The following MDFIC2 variants were observed in gnomAD, a reference collection of about 807,000 sequenced individuals.
MDFIC2 encodes myoD family inhibitor domain-containing protein 2.
rs1701167896 is a variant in MDFIC2, at chr3:70,195,555, A to C, written c.*1371T>G. Reference sequence around the variant, plus strand: ...TAAAGCAAATGGTGATTTTGCCTGAAATTACCTAAGTCAGGAAAAAACAGG... The same window carrying C: ...TAAAGCAAATGGTGATTTTGCCTGACATTACCTAAGTCAGGAAAAAACAGG... On this transcript the variant is annotated 3_prime_UTR_variant, in exon 4 of 4. Transcript: ENST00000567252. 6.6e-6 allele frequency among the ~76,000 whole-genome samples: 1 copy of C among 152,174 alleles called. No individual in the cohort carries two copies. Among genetic ancestry groups the C allele is most frequent in the Non-Finnish European group, 1.5e-5 (1 of 68,030 alleles).
chr3:70,292,777 ATTTTC>A (rs1181126989), intron 2 of MDFIC2, among the ~76,000 whole-genome samples: 1 of 151,986 alleles, frequency 6.6e-6, no homozygotes, highest in African/African-American at 2.4e-5. Context: ...GAAAAGAATT[ATTTTC>A]TTTTCGTGGT....
At chr3:70,278,096 C>A (rs943153542) in intron 2 of MDFIC2, among the ~76,000 whole-genome samples, 4 of 152,080 alleles carry the variant, frequency 2.6e-5, no homozygotes, top group African/African-American at 7.2e-5. Flanking sequence ...TCATCATTTC[C>A]CCCGCCTCCC....
chr3:70,258,683 A>C (rs2106659258), intron 2 of MDFIC2, among the ~76,000 whole-genome samples: 1 of 152,294 alleles, frequency 6.6e-6, no homozygotes, highest in South Asian at 2.1e-4. Context: ...ATGCAGTCAA[A>C]GCTTTATGTA....
At chr3:70,203,121 C>A (rs1276125682) in intron 3 of MDFIC2, among the ~76,000 whole-genome samples, 1 of 152,124 alleles carries the variant, frequency 6.6e-6, no homozygotes. Context: ...AAGAATCATT[C>A]TCCCAGAAGT....
At chr3:70,250,639 C>T (rs997928504) in intron 2 of MDFIC2, among the ~76,000 whole-genome samples, 2 of 152,158 alleles carry the variant, frequency 1.3e-5, no homozygotes, top group Admixed American at 6.5e-5. Flanking sequence ...TTTCAAATTA[C>T]GCTGTGTTTT....
At chr3:70,265,445 AC>A (rs1488327076) in intron 2 of MDFIC2, among the ~76,000 whole-genome samples, 4 of 152,050 alleles carry the variant, frequency 2.6e-5, no homozygotes, top group African/African-American at 4.8e-5. Flanking sequence ...GGATTTGATG[AC>A]CACCACCCCA....
intron 2 of MDFIC2, among the ~76,000 whole-genome samples, chr3:70,292,744 C>T (rs371910077): frequency 2.6e-5 from 4 of 152,040 alleles, no homozygotes; most frequent in Admixed American, 2.0e-4. Flanking sequence ...CACACACATG[C>T]ACACACACTG....
intron 2 of MDFIC2, among the ~76,000 whole-genome samples, chr3:70,285,386 C>A (rs1161160442): frequency 1.3e-5 from 2 of 151,970 alleles, no homozygotes; most frequent in Non-Finnish European, 2.9e-5. Flanking sequence ...AGGACATGAA[C>A]TCATCAGTTT....
intron 2 of MDFIC2, among the ~76,000 whole-genome samples, chr3:70,218,961 G>A (rs1346741140): frequency 6.6e-6 from 1 of 151,628 alleles, no homozygotes. Flanking sequence ...AAAATAACAG[G>A]ACAATTTTAT....
chr3:70,305,789 G>C (rs1321741064), intron 2 of MDFIC2, among the ~76,000 whole-genome samples: 1 of 152,220 alleles, frequency 6.6e-6, no homozygotes, highest in Non-Finnish European at 1.5e-5. Context: ...GTCAATAAAT[G>C]TGGGAAAGAT....
In MDFIC2 at chr3:70,195,105, C is replaced by T. The variant is rs992999814; in HGVS notation, c.*1821G>A. Among the ~76,000 whole-genome samples the T allele has an allele frequency of 2.6e-5, 4 of 152,166 alleles. No individual in the cohort carries two copies. Among genetic ancestry groups the T allele is most frequent in the Non-Finnish European group, 5.9e-5 (4 of 68,036 alleles). On this transcript the variant is annotated 3_prime_UTR_variant, in exon 4 of 4. Coordinates refer to ENST00000567252, the MANE Select transcript of MDFIC2 (RefSeq NM_001364677.1). ...AGAGTTCCTGACACTGCCAATAATT[C>T]ACTGTGTGGTCTTGAATAAGTCAGT...
chr3:70,199,282 C>T (rs1410312601), intron 3 of MDFIC2, among the ~76,000 whole-genome samples: 1 of 152,148 alleles, frequency 6.6e-6, no homozygotes, highest in Non-Finnish European at 1.5e-5. Flanking sequence ...TGAGAGTGTA[C>T]AACCTTTTGG....
At chr3:70,221,455 T>G (rs1701459514) in intron 2 of MDFIC2, among the ~76,000 whole-genome samples, 1 of 152,080 alleles carries the variant, frequency 6.6e-6, no homozygotes, top group Non-Finnish European at 1.5e-5. Context: ...GAATTTGAAT[T>G]TGGGCATTTG....
chr3:70,232,906 A>G (rs551239715), intron 2 of MDFIC2, among the ~76,000 whole-genome samples: 8 of 152,204 alleles, frequency 5.3e-5, no homozygotes, highest in Admixed American at 1.3e-4. Flanking sequence ...TTGAAGCCCT[A>G]TGCTAGGCGT....
At chr3:70,242,526 T>C (rs1405399099) in intron 2 of MDFIC2, among the ~76,000 whole-genome samples, 1 of 152,198 alleles carries the variant, frequency 6.6e-6, no homozygotes, top group African/African-American at 2.4e-5. Flanking sequence ...GTTCTTGGCC[T>C]CATTGCAATC....
At chr3:70,269,688 T>TGG (rs1701956196) in intron 2 of MDFIC2, among the ~76,000 whole-genome samples, 1 of 152,130 alleles carries the variant, frequency 6.6e-6, no homozygotes, top group Non-Finnish European at 1.5e-5. Flanking sequence ...ACTAGCTATA[T>TGG]TTAATATAGT....
chr3:70,310,692 G>C (rs939433361), intron 2 of MDFIC2, among the ~76,000 whole-genome samples: 4 of 152,086 alleles, frequency 2.6e-5, no homozygotes, highest in Non-Finnish European at 1.5e-5. Flanking sequence ...ATTAGGGTTG[G>C]GGGTAGGGTG....
intron 2 of MDFIC2, among the ~76,000 whole-genome samples, chr3:70,263,343 T>G (rs1421566279): frequency 6.6e-6 from 1 of 152,224 alleles, no homozygotes; most frequent in Non-Finnish European, 1.5e-5. Flanking sequence ...TTGTGATCAA[T>G]ATAGTTCTTT....
At chr3:70,235,147 G>C (rs945628722) in intron 2 of MDFIC2, among the ~76,000 whole-genome samples, 2 of 152,066 alleles carry the variant, frequency 1.3e-5, no homozygotes, top group Admixed American at 1.3e-4. Flanking sequence ...GTCTTTTAAA[G>C]GTGAACCTTT....
Sources: gnomAD v4.1 joint callset for allele counts (sites outside exome capture counted in the v4.1 genomes callset) on GRCh38, gnomAD v4.1.1 for gene constraint, MANE v1.5 for transcripts, NCBI Gene and HGNC (gene_info 2026-07-23, HGNC 2026-07-21) for gene names.